TENM2: variants seen among roughly 807,000 people sequenced by gnomAD.
The protein encoded by TENM2 is teneurin-2.
In TENM2, 52 loss-of-function variants were observed where a neutral mutation model predicts 245.2. The observed-to-expected ratio is 0.21, with a 90% CI of 0.17 to 0.27. The LOEUF (loss-of-function observed/expected upper bound fraction) is 0.27, where lower values mean the gene tolerates loss of function less well. Ranked by LOEUF, TENM2 falls within the 10% of genes least tolerant of loss-of-function variation. The pLI, the probability that TENM2 is intolerant of heterozygous loss-of-function variation, is 1.00. For missense variants in TENM2, 3,046 were observed against 3,666.8 expected, an observed-to-expected ratio of 0.83 and a Z score of 4.37; for synonymous variants, 1,363 against 1,438.9, an observed-to-expected ratio of 0.95 and a Z score of 1.19.
Position 167,350,646 on chromosome 5 carries a change from GTATATGGATATATATATGGGATACA to G in TENM2, c.227-24534_227-24510del, listed in dbSNP as rs1561883446. Among the ~76,000 whole-genome samples, 654 of 119,968 alleles carry G rather than the reference GTATATGGATATATATATGGGATACA, an allele frequency of 5.5e-3. 12 individuals are homozygous for G. The highest frequency in any genetic ancestry group is 0.019 in the African/African-American group (607 of 32,210). The allele number at this position is 119,968 out of a possible 152,430, so 78.7% of individuals were successfully genotyped here. A position where few individuals can be genotyped will look rare whatever the true frequency, so the allele number is the denominator to read the frequency against. On this transcript the variant is annotated intron_variant, in intron 1 of 28. Transcript: ENST00000518659. Reference sequence around the variant, plus strand: ...ATGTGGATATATATATATGGGATACGTATATGGATATATATATGGGATACATATATGGATATATATATATGGGATA... The same window carrying G: ...ATGTGGATATATATATATGGGATACGTATATGGATATATATATATGGGATA...
the TENM2 span, among the ~76,000 whole-genome samples, chr5:167,009,424 A>G: frequency 6.6e-6 from 1 of 152,230 alleles, no homozygotes; most frequent in African/African-American, 2.4e-5. Context: ...TGCTCAAAAT[A>G]AATAAATGAC....
intron 2 of TENM2, among the ~76,000 whole-genome samples, chr5:167,862,931 C>G (rs114934385): frequency 0.019 from 2,946 of 152,302 alleles, 79 homozygotes; most frequent in African/African-American, 0.067. Flanking sequence ...CTTGACACTA[C>G]TACCATTTCC....
At chr5:167,647,648 C>T (rs531944957) in intron 2 of TENM2, among the ~76,000 whole-genome samples, 13 of 151,922 alleles carry the variant, frequency 8.6e-5, no homozygotes, top group African/African-American at 2.7e-4. Flanking sequence ...GAGGATGTTG[C>T]GAAGGGAAGG....
chr5:168,125,005 C>T (rs781016708), exon 11 of TENM2: 17 of 1,610,630 alleles, frequency 1.1e-5, no homozygotes, highest in Non-Finnish European at 1.4e-5. Context: ...TGACACGGGC[C>T]TCTGCAGCTG....
At chr5:167,357,893 TC>T (rs1759448580) in intron 1 of TENM2, among the ~76,000 whole-genome samples, 1 of 152,134 alleles carries the variant, frequency 6.6e-6, no homozygotes, top group Non-Finnish European at 1.5e-5. Context: ...ACATCTACCA[TC>T]CACACACTCC....
At position 167,565,436 on chromosome 5, in the gene TENM2, T is replaced by A. The variant is rs140218972; in HGVS notation, c.502+189963T>A. ...CTCACAGCAACAGAGGTGAGCTGCATTAATTCTTTCAGCCAGTGCAGGATT... is the reference window on the plus strand; with the variant it reads ...CTCACAGCAACAGAGGTGAGCTGCAATAATTCTTTCAGCCAGTGCAGGATT... On this transcript the variant is annotated intron_variant, in intron 2 of 28. Coordinates refer to ENST00000518659, the Ensembl canonical transcript of TENM2. Among the ~76,000 whole-genome samples, 91 of 152,356 alleles carry A rather than the reference T, an allele frequency of 6.0e-4. 1 individual carries two copies. The highest frequency in any genetic ancestry group is 2.0e-3 in the African/African-American group (85 of 41,572).
At chr5:168,007,104 C>T (rs1262822071) in intron 5 of TENM2, among the ~76,000 whole-genome samples, 1 of 151,930 alleles carries the variant, frequency 6.6e-6, no homozygotes, top group Admixed American at 6.6e-5. Flanking sequence ...CAAATCAGCA[C>T]ATGTACTCCA....
chr5:167,095,812 C>T, the TENM2 span, among the ~76,000 whole-genome samples: 1 of 144,944 alleles, frequency 6.9e-6, no homozygotes, highest in Admixed American at 7.0e-5. Context: ...CTCTTGTTGT[C>T]CAGACTGGAG....
chr5:167,533,854 G>T (rs1357379597), intron 2 of TENM2, among the ~76,000 whole-genome samples: 1 of 152,106 alleles, frequency 6.6e-6, no homozygotes, highest in Non-Finnish European at 1.5e-5. Flanking sequence ...TGAAGGAGTG[G>T]AATCAATAAA....
intron 2 of TENM2, among the ~76,000 whole-genome samples, chr5:167,516,910 C>T (rs1345523455): frequency 6.6e-6 from 1 of 152,150 alleles, no homozygotes; most frequent in Non-Finnish European, 1.5e-5. Flanking sequence ...TAATAATGAG[C>T]ACAAGATATG....
chr5:167,755,333 G>T, intron 2 of TENM2: 1 of 596,480 alleles, frequency 1.7e-6, no homozygotes. Context: ...ATTTGATTTC[G>T]CACCGCAGTT....
At chr5:167,898,827 A>G (rs1249014496) in intron 3 of TENM2, among the ~76,000 whole-genome samples, 2 of 152,166 alleles carry the variant, frequency 1.3e-5, no homozygotes, top group African/African-American at 2.4e-5. Flanking sequence ...GAGCATGGCT[A>G]GTGTGATGAG....
At chr5:167,944,505 C>T (rs1779449922) in intron 3 of TENM2, among the ~76,000 whole-genome samples, 1 of 151,634 alleles carries the variant, frequency 6.6e-6, no homozygotes, top group Non-Finnish European at 1.5e-5. Flanking sequence ...AAGTGCTAGG[C>T]AGTGTGCCCC....
chr5:167,354,199 C>T (rs1007051421), intron 1 of TENM2, among the ~76,000 whole-genome samples: 3 of 152,200 alleles, frequency 2.0e-5, no homozygotes, highest in Middle Eastern at 3.2e-3. Flanking sequence ...GCCAAGTCAA[C>T]AAGTCAGTGT....
chr5:167,611,768 G>A (rs1469239284), intron 2 of TENM2, among the ~76,000 whole-genome samples: 2 of 152,012 alleles, frequency 1.3e-5, no homozygotes, highest in South Asian at 2.1e-4. Flanking sequence ...CCTCCTCATT[G>A]TGTCTTACAT....
intron 16 of TENM2, 109 bp from the exon 19 acceptor site, chr5:168,199,755 T>C (rs1387379439): frequency 2.9e-5 from 35 of 1,210,068 alleles, no homozygotes; most frequent in Non-Finnish European, 3.6e-5. Flanking sequence ...TGCACCCACA[T>C]AAGATGTGAT....
chr5:167,122,022 A>AT, the TENM2 span, among the ~76,000 whole-genome samples: 2 of 152,144 alleles, frequency 1.3e-5, no homozygotes, highest in Admixed American at 6.5e-5. Context: ...AGCTATAGCT[A>AT]TTTTTTTTCC....
chr5:167,384,232 C>T lies in TENM2; in HGVS notation c.502+8759C>T, dbSNP rs192781943. ...ATTTACAGAGACATTCCTGTCTAAC[C>T]TCAATAGGGAGAGAAGAAAATAAAC... On this transcript the variant is annotated intron_variant, in intron 2 of 28. Coordinates refer to ENST00000518659, the Ensembl canonical transcript of TENM2. Among the ~76,000 whole-genome samples the T allele has an allele frequency of 2.6e-5, 4 of 152,244 alleles. No individual in the cohort carries two copies. In the East Asian group the frequency reaches 7.7e-4, roughly 29 times the overall value.
chr5:167,483,267 A>ATG (rs2127531732), intron 2 of TENM2, among the ~76,000 whole-genome samples: 1 of 152,334 alleles, frequency 6.6e-6, no homozygotes, highest in South Asian at 2.1e-4. Flanking sequence ...TAGACAAAGG[A>ATG]TGCTTCCTTG....
Sources: gnomAD v4.1 joint callset for allele counts (sites outside exome capture counted in the v4.1 genomes callset) on GRCh38, gnomAD v4.1.1 for gene constraint, MANE v1.5 for transcripts, NCBI Gene and HGNC (gene_info 2026-07-23, HGNC 2026-07-21) for gene names.